The following MTSS1 variants were observed in gnomAD, a reference collection of about 807,000 sequenced individuals.
The protein encoded by MTSS1 is protein MTSS 1.
In MTSS1, 18 loss-of-function variants were observed where a neutral mutation model predicts 79.0. That is an observed-to-expected ratio of 0.23 (90% CI 0.16 to 0.34). MTSS1 has a LOEUF of 0.34. MTSS1 is among the 10% of genes least tolerant of loss of function. The pLI, the probability that MTSS1 is intolerant of heterozygous loss-of-function variation, is 1.00. For synonymous variants in MTSS1, 341 were observed against 368.6 expected (o/e 0.93, Z 0.86); for missense variants, 815 against 986.2 (o/e 0.83, Z 2.33).
At chr8:124,677,522 G>A (rs1229079469) in intron 3 of MTSS1, among the ~76,000 whole-genome samples, 1 of 152,160 alleles carries the variant, frequency 6.6e-6, no homozygotes, top group Non-Finnish European at 1.5e-5. Flanking sequence ...ATTTTTGCAT[G>A]TCACAAAACA....
intron 3 of MTSS1, among the ~76,000 whole-genome samples, chr8:124,637,442 C>T (rs1290767119): frequency 6.6e-6 from 1 of 152,172 alleles, no homozygotes; most frequent in African/African-American, 2.4e-5. Flanking sequence ...GCTGAGACCC[C>T]AGAAGGCCCT....
At chr8:124,719,971 T>C (rs535969075) in intron 1 of MTSS1, among the ~76,000 whole-genome samples, 35 of 152,324 alleles carry the variant, frequency 2.3e-4, no homozygotes, top group African/African-American at 7.5e-4. Context: ...TAGGAAACGC[T>C]AGAGCCGGGC....
chr8:124,693,262 T>C (rs1587840709), intron 3 of MTSS1, among the ~76,000 whole-genome samples: 1 of 152,228 alleles, frequency 6.6e-6, no homozygotes, highest in East Asian at 1.9e-4. Flanking sequence ...GGAGATGTCA[T>C]CGGACAGGTG....
rs887669240 is a variant in MTSS1 at position 124,699,395 on chromosome 8, T to C, written c.208+131A>G. The C allele has an allele frequency of 2.6e-5, 20 of 763,368 alleles. No individual in the cohort carries two copies. In the African/African-American group the frequency reaches 3.4e-4, roughly 13 times the overall value. 47.3% of individuals were successfully genotyped at this position (763,368 alleles called of 1,614,324 possible). ...CTAATATGTGGAATCCCACAGAGTT[T>C]TAAAAAATGGGAAAATACGAGTCAG... On this transcript the variant is annotated intron_variant, in intron 3 of 13. Transcript: ENST00000518547.
At chr8:124,704,027 C>T (rs1830069188) in intron 2 of MTSS1, 103 bp downstream of exon 2, 2 of 1,006,562 alleles carry the variant, frequency 2.0e-6, no homozygotes, top group South Asian at 1.3e-5. Flanking sequence ...CTATCTGCAG[C>T]ACTTCCTGAA....
At chr8:124,589,918 G>A (rs763650101) in intron 4 of MTSS1, among the ~76,000 whole-genome samples, 37 of 152,166 alleles carry the variant, frequency 2.4e-4, no homozygotes, top group African/African-American at 8.2e-4. Context: ...GTGCAGTGGC[G>A]CGATCTCGGC....
intron 3 of MTSS1, among the ~76,000 whole-genome samples, chr8:124,654,101 A>G (rs1820515335): frequency 6.6e-6 from 1 of 152,040 alleles, no homozygotes; most frequent in African/African-American, 2.4e-5. Context: ...ACCCCACACG[A>G]GGGTAATGAG....
intron 3 of MTSS1, among the ~76,000 whole-genome samples, chr8:124,692,015 T>G (rs1182795910): frequency 2.6e-5 from 4 of 151,344 alleles, no homozygotes; most frequent in African/African-American, 7.3e-5. Flanking sequence ...GTGATAGATA[T>G]CCCAATTACC....
intron 3 of MTSS1, among the ~76,000 whole-genome samples, chr8:124,660,024 G>GTC (rs142142811): frequency 0.021 from 3,255 of 152,236 alleles, 110 homozygotes; most frequent in African/African-American, 0.074. Flanking sequence ...ATTAGAAGCA[G>GTC]TCTCTTTTCA....
At chr8:124,712,580 C>G (rs920971265) in intron 1 of MTSS1, among the ~76,000 whole-genome samples, 28 of 152,308 alleles carry the variant, frequency 1.8e-4, no homozygotes, top group Middle Eastern at 3.4e-3. Flanking sequence ...TGAAGGGCTC[C>G]TAAGATCCTC....
rs1833017791 is a variant in MTSS1 at position 124,597,757 on chromosome 8, G to C, written c.209-6522C>G. Among the ~76,000 whole-genome samples the C allele has an allele frequency of 6.6e-6, 1 of 152,216 alleles. No individual in the cohort carries two copies. Among genetic ancestry groups the C allele is most frequent in the African/African-American group, 2.4e-5 (1 of 41,454 alleles). On this transcript the variant is annotated intron_variant, in intron 3 of 13. Transcript: ENST00000518547. This position sits in a 1 kb window ranked among gnomAD's most constrained non-coding sequence, Gnocchi z 4.6. ...AGCCAGACTGAAGAACTGCTTTGGT[G>C]AAAGTGTGCCGCCGTCACAGTAAGT...
chr8:124,727,693 G>T lies in MTSS1; in HGVS notation c.72+191C>A. On this transcript the variant is annotated intron_variant, in intron 1 of 13. Transcript: ENST00000518547. The surrounding 1 kb of genome is among the most constrained non-coding windows in gnomAD (Gnocchi z 4.7). The stretch of plus-strand genomic sequence containing the variant: ...CAGACACCCCCCAGAGAAGCCACCC[G>T]CCCAGTGACCCCGCAGAGCCCGGAG... The T allele has an allele frequency of 1.5e-6, 1 of 671,808 alleles. No homozygotes were observed. The highest frequency in any genetic ancestry group is 1.5e-5 in the South Asian group (1 of 65,298). The allele number at this position is 671,808 out of a possible 1,614,324, so 41.6% of individuals were successfully genotyped here. A position where few individuals can be genotyped will look rare whatever the true frequency, so the allele number is the denominator to read the frequency against.
intron 3 of MTSS1, among the ~76,000 whole-genome samples, chr8:124,658,099 A>G (rs1420670547): frequency 2.0e-5 from 3 of 152,204 alleles, no homozygotes; most frequent in African/African-American, 7.2e-5. Flanking sequence ...CAAATGAAAC[A>G]GTGTATTAGT....
intron 3 of MTSS1, among the ~76,000 whole-genome samples, chr8:124,627,972 G>T (rs893152034): frequency 3.3e-5 from 5 of 152,206 alleles, no homozygotes; most frequent in Admixed American, 6.5e-5. Context: ...TTAGAGACCA[G>T]CCTGGCCAAC....
chr8:124,577,539 G>A lies in MTSS1; in HGVS notation c.460+7548C>T. 5 of 517,712 alleles carry A rather than the reference G, an allele frequency of 9.7e-6. No individual in the cohort carries two copies. The Admixed American group carries it at 9.7e-5, about 10-fold the overall frequency. The allele number at this position is 517,712 out of a possible 1,614,324, so 32.1% of individuals were successfully genotyped here. On this transcript the variant is annotated intron_variant, in intron 6 of 13. Coordinates refer to ENST00000518547, the MANE Select transcript of MTSS1 (RefSeq NM_014751.6). ...GGCATGAGCCACTGTGCCCGGCCTT[G>A]GAGGAGATTTCTGAGTTAAATTCAG...
chr8:124,659,269 C>A (rs866415952), intron 3 of MTSS1, among the ~76,000 whole-genome samples: 1 of 152,128 alleles, frequency 6.6e-6, no homozygotes, highest in Non-Finnish European at 1.5e-5. Flanking sequence ...ATAATAATAG[C>A]TAAATGGTAT....
chr8:124,568,745 C>A, intron 6 of MTSS1: 1 of 1,473,306 alleles, frequency 6.8e-7, no homozygotes, highest in Non-Finnish European at 8.9e-7. Flanking sequence ...CACATTTAGC[C>A]TGGCTTATTC....
At chr8:124,685,946 A>T (rs1249393109) in intron 3 of MTSS1, among the ~76,000 whole-genome samples, 2 of 152,202 alleles carry the variant, frequency 1.3e-5, no homozygotes, top group Admixed American at 1.3e-4. Flanking sequence ...TAAGTGACCA[A>T]GGAGCCAGCA....
At chr8:124,721,905 T>C (rs1832999491) in intron 1 of MTSS1, among the ~76,000 whole-genome samples, 1 of 152,070 alleles carries the variant, frequency 6.6e-6, no homozygotes, top group Admixed American at 6.5e-5. Flanking sequence ...CCAAATGAGG[T>C]ACACCTGCCT....
Sources: allele counts gnomAD v4.1 joint callset (sites outside exome capture counted in the v4.1 genomes callset), GRCh38; gene constraint gnomAD v4.1.1; non-coding constraint Gnocchi (gnomAD v3.1); transcripts MANE v1.5; gene names NCBI Gene and HGNC (gene_info 2026-07-23, HGNC 2026-07-21).